Variants in SESN3 observed in about 807,000 individuals in gnomAD.
SESN3 encodes sestrin 3.
A neutral mutation model predicts 55.3 loss-of-function variants in SESN3; 21 were observed. That is an observed-to-expected ratio of 0.38 (90% CI 0.27 to 0.55). The LOEUF is 0.55. SESN3 is among the 20% of genes least tolerant of loss of function. The pLI is 0.76. For synonymous variants in SESN3, 181 were observed against 203.1 expected (o/e 0.89, Z 0.93); for missense variants, 408 against 604.3 (o/e 0.68, Z 3.41).
chr11:95,223,763 A>G (rs1565476989), intron 1 of SESN3, among the ~76,000 whole-genome samples: 1 of 152,144 alleles, frequency 6.6e-6, no homozygotes, highest in Non-Finnish European at 1.5e-5. Context: ...ACTCTGGCTC[A>G]GTAGTTCGTA....
chr11:95,171,398 G>C lies in SESN3; in HGVS notation c.*1857C>G, dbSNP rs1421575364. 1 of 152,108 alleles carries C rather than the reference G, an allele frequency of 6.6e-6. No individual in the cohort carries two copies. The highest frequency in any genetic ancestry group is 1.5e-5 in the Non-Finnish European group (1 of 67,988). 9.4% of individuals were successfully genotyped at this position (152,108 alleles called of 1,614,324 possible). ...TTAGTAATTTTTTCCTCACATGGAA[G>C]ATTTCAAACAGGATCCTGGAATCCA... On this transcript the variant is annotated 3_prime_UTR_variant, in exon 10 of 10. Coordinates refer to ENST00000536441, the MANE Select transcript of SESN3 (RefSeq NM_144665.4).
chr11:95,209,837 C>T (rs1033768943), intron 1 of SESN3, among the ~76,000 whole-genome samples: 4 of 149,818 alleles, frequency 2.7e-5, no homozygotes, highest in East Asian at 3.9e-4. Flanking sequence ...GCTAACATGG[C>T]GAAACCCCGT....
intron 6 of SESN3, among the ~76,000 whole-genome samples, chr11:95,182,608 A>C (rs148829582): frequency 1.4e-4 from 22 of 152,336 alleles, no homozygotes; most frequent in Admixed American, 5.2e-4. Flanking sequence ...CAAGTGACTC[A>C]TGAACACTGA....
intron 2 of SESN3, 52 bp downstream of exon 2, chr11:95,193,405 G>C (rs1431008582): frequency 1.9e-6 from 2 of 1,070,444 alleles, no homozygotes; most frequent in African/African-American, 3.2e-5. Context: ...CTTTGATACA[G>C]TTAAGTTATT....
At chr11:95,229,658 C>CT (rs1861014262) in intron 1 of SESN3, among the ~76,000 whole-genome samples, 1 of 152,100 alleles carries the variant, frequency 6.6e-6, no homozygotes, top group African/African-American at 2.4e-5. Flanking sequence ...TACTTATGTG[C>CT]TTTTTTCTTT....
In SESN3 at chr11:95,165,659, A is replaced by C. The variant is rs1425191252; in HGVS notation, c.*7596T>G. On this transcript the variant is annotated 3_prime_UTR_variant, in exon 10 of 10. Coordinates refer to ENST00000536441, the MANE Select transcript of SESN3 (RefSeq NM_144665.4). ...ACAAAACCCATTGTTCTGTACCTAT[A>C]AATAGATTTTCAAAATGTCATAAAA... The C allele has an allele frequency of 2.6e-5, 4 of 152,048 alleles. No homozygotes were observed. The highest frequency in any genetic ancestry group is 9.7e-5 in the African/African-American group (4 of 41,428). 9.4% of individuals were successfully genotyped at this position (152,048 alleles called of 1,614,324 possible).
chr11:95,218,900 C>T (rs989124281), intron 1 of SESN3, among the ~76,000 whole-genome samples: 4 of 152,206 alleles, frequency 2.6e-5, no homozygotes, highest in Non-Finnish European at 5.9e-5. Flanking sequence ...GATCCGCCCG[C>T]CTCGGCCTCC....
rs770849209 is a variant in SESN3, at chr11:95,175,655, C to T, written c.1248-13G>A. ...ATAGTCATCATACCTACGAGCAATA[C>T]AACAATAGCTTTATAATGACAAAAT... On this transcript the variant is annotated splice_polypyrimidine_tract_variant and intron_variant, in intron 8 of 9. Transcript: ENST00000536441. 1.7e-5 allele frequency: 27 copies of T among 1,600,428 alleles called. 1 individual carries two copies. The East Asian group carries it at 6.0e-4, about 36-fold the overall frequency.
intron 1 of SESN3, among the ~76,000 whole-genome samples, chr11:95,221,285 C>T (rs1860854196): frequency 6.6e-6 from 1 of 151,202 alleles, no homozygotes; most frequent in South Asian, 2.1e-4. Flanking sequence ...GCCTGGGTGA[C>T]AGAGTGAGAC....
chr11:95,208,022 TA>T lies in SESN3; in HGVS notation c.79-14501del, dbSNP rs1257892683. Among the ~76,000 whole-genome samples, 2 of 147,600 alleles carry T rather than the reference TA, an allele frequency of 1.4e-5. 1 individual carries two copies. Among genetic ancestry groups the T allele is most frequent in the Non-Finnish European group, 3.0e-5 (2 of 66,740 alleles). Reference sequence around the variant, plus strand: ...CCAGTGAACAAAGCATACCATACTCTAAAAAAAAGAAATAATAATAATCTAT... The same window carrying T: ...CCAGTGAACAAAGCATACCATACTCTAAAAAAAGAAATAATAATAATCTAT... On this transcript the variant is annotated intron_variant, in intron 1 of 9. Transcript: ENST00000536441.
chr11:95,220,169 ATT>A (rs904076747), intron 1 of SESN3, among the ~76,000 whole-genome samples: 3 of 152,154 alleles, frequency 2.0e-5, no homozygotes, highest in African/African-American at 7.2e-5. Context: ...TTTAATCAAA[ATT>A]TTTGTCTCAA....
In SESN3 at chr11:95,178,764, C is replaced by T. The variant is rs1307091113; in HGVS notation, c.1002G>A (p.Gly334=). 1 of 1,613,362 alleles carries T rather than the reference C, an allele frequency of 6.2e-7. No homozygotes were observed. Among genetic ancestry groups the T allele is most frequent in the African/African-American group, 1.3e-5 (1 of 75,026 alleles). The change falls in exon 7 of 10, where the codon GGG becomes GGA. Residue 334 remains glycine (G), a synonymous_variant. Coordinates refer to ENST00000536441, the MANE Select transcript of SESN3 (RefSeq NM_144665.4). ...CTCCTCGTCTGGCAAAGTCTTCATACCCAAAACCAGGGTCTTCAATATATC... is the reference window on the plus strand; with the variant it reads ...CTCCTCGTCTGGCAAAGTCTTCATATCCAAAACCAGGGTCTTCAATATATC... ...VSRYIEDPGF[G]YEDFARRGEE...
intron 6 of SESN3, chr11:95,184,156 G>A: frequency 2.3e-6 from 1 of 439,118 alleles, no homozygotes; most frequent in Non-Finnish European, 4.0e-6. Flanking sequence ...AACTTTATAA[G>A]TAACTGATCT....
intron 1 of SESN3, among the ~76,000 whole-genome samples, chr11:95,193,998 T>C (rs1177607507): frequency 1.3e-5 from 2 of 152,050 alleles, no homozygotes; most frequent in African/African-American, 4.8e-5. Context: ...TTTGAAACTT[T>C]AAGAAAAATG....
Position 95,193,654 on chromosome 11 carries a change from T to C in SESN3, c.79-132A>G, listed in dbSNP as rs567869764. On this transcript the variant is annotated intron_variant, in intron 1 of 9. Transcript: ENST00000536441. ...AATTATGTGAGACCAGAGTAAGTGT[T>C]GGGTTTCAGATCAAAGAAAACCCAT... 3 of 598,566 alleles carry C rather than the reference T, an allele frequency of 5.0e-6. No homozygotes were observed. In the South Asian group the frequency reaches 6.1e-5, roughly 12 times the overall value. 37.1% of individuals were successfully genotyped at this position (598,566 alleles called of 1,614,324 possible).
At chr11:95,229,561 G>GA (rs1861012479) in intron 1 of SESN3, among the ~76,000 whole-genome samples, 1 of 152,098 alleles carries the variant, frequency 6.6e-6, no homozygotes, top group African/African-American at 2.4e-5. Context: ...AAAGAGGCTT[G>GA]AAAAACAACT....
intron 1 of SESN3, among the ~76,000 whole-genome samples, chr11:95,208,397 C>G (rs2134252243): frequency 6.6e-6 from 1 of 151,386 alleles, no homozygotes; most frequent in Admixed American, 6.6e-5. Flanking sequence ...ACAGCTGTTC[C>G]TTCCCAAGAA....
chr11:95,195,229 A>G (rs1360727719), intron 1 of SESN3, among the ~76,000 whole-genome samples: 1 of 152,216 alleles, frequency 6.6e-6, no homozygotes, highest in Non-Finnish European at 1.5e-5. Flanking sequence ...AATTTGATAC[A>G]GTTAGCAACT....
intron 1 of SESN3, chr11:95,224,380 T>C (rs1441251925): frequency 2.6e-6 from 1 of 386,192 alleles, no homozygotes; most frequent in South Asian, 1.9e-5. Flanking sequence ...AAAATGATCC[T>C]GAAAACTAGA....
Sources: gnomAD v4.1 joint callset for allele counts (sites outside exome capture counted in the v4.1 genomes callset) on GRCh38, gnomAD v4.1.1 for gene constraint, MANE v1.5 for transcripts, NCBI Gene and HGNC (gene_info 2026-07-23, HGNC 2026-07-21) for gene names.